ASIC2: variants seen among roughly 807,000 people sequenced by gnomAD.
ASIC2 encodes the protein acid sensing ion channel subunit 2.
A neutral mutation model predicts 57.3 loss-of-function variants in ASIC2; 25 were observed. The ratio of observed to expected loss-of-function variants is 0.44; its 90% confidence interval spans 0.32 to 0.61. The LOEUF (loss-of-function observed/expected upper bound fraction) is 0.61, where lower values mean the gene tolerates loss of function less well. ASIC2 is among the 20% of genes least tolerant of loss of function. ASIC2 has a pLI of 0.06. For missense variants in ASIC2, 641 were observed against 738.1 expected, an observed-to-expected ratio of 0.87 and a Z score of 1.52; for synonymous variants, 319 against 307.5, an observed-to-expected ratio of 1.04 and a Z score of -0.39.
chr17:33,236,548 C>T (rs2142114285), intron 1 of ASIC2, among the ~76,000 whole-genome samples: 1 of 151,776 alleles, frequency 6.6e-6, no homozygotes. Flanking sequence ...GCTATGTTGC[C>T]CAGGTTGATC....
chr17:33,487,033 G>A (rs951902345), intron 1 of ASIC2, among the ~76,000 whole-genome samples: 3 of 152,124 alleles, frequency 2.0e-5, no homozygotes, highest in Non-Finnish European at 4.4e-5. Flanking sequence ...TAGTAGAAGA[G>A]GTTCTTGTTT....
chr17:33,653,118 G>A (rs895367221), intron 1 of ASIC2, among the ~76,000 whole-genome samples: 3 of 152,168 alleles, frequency 2.0e-5, no homozygotes, highest in African/African-American at 7.2e-5. Flanking sequence ...GGCTTTACAC[G>A]CTAAGCTTTA....
intron 1 of ASIC2, among the ~76,000 whole-genome samples, chr17:33,708,789 C>A (rs1398579149): frequency 2.0e-5 from 3 of 152,134 alleles, no homozygotes; most frequent in African/African-American, 7.2e-5. Flanking sequence ...CATAGAGACT[C>A]CTCTCCTCCT....
At chr17:33,319,787 G>A (rs1906797611) in intron 1 of ASIC2, among the ~76,000 whole-genome samples, 2 of 152,100 alleles carry the variant, frequency 1.3e-5, no homozygotes, top group African/African-American at 4.8e-5. Context: ...ACCCTCCTCG[G>A]CCTCCCAAAG....
chr17:33,414,387 T>C (rs1910767311), intron 1 of ASIC2, among the ~76,000 whole-genome samples: 1 of 152,026 alleles, frequency 6.6e-6, no homozygotes, highest in South Asian at 2.1e-4. Flanking sequence ...GTTGGCAGGT[T>C]GGTAATGCCC....
intron 1 of ASIC2, among the ~76,000 whole-genome samples, chr17:33,162,624 G>C (rs761717918): frequency 5.3e-5 from 8 of 152,192 alleles, no homozygotes; most frequent in Admixed American, 1.3e-4. Flanking sequence ...CTTCTCCTCA[G>C]GGCCAGCTCA....
rs150068347 is a variant in ASIC2 at position 33,860,683 on chromosome 17, G to T, written c.555+295295C>A. ...TTCCAGGACTTCTCACTATGCCTAG[G>T]TTTTTATTTAGTTTTGTTTCCATAG... On this transcript the variant is annotated intron_variant, in intron 1 of 9. Coordinates refer to the ASIC2 transcript ENST00000359872. Among the ~76,000 whole-genome samples, 329 of 152,256 alleles carry T rather than the reference G, an allele frequency of 2.2e-3. 2 individuals are homozygous for T. The highest frequency in any genetic ancestry group is 7.6e-3 in the African/African-American group (317 of 41,544).
At chr17:34,040,774 CTAT>C (rs1908101134) in intron 1 of ASIC2, among the ~76,000 whole-genome samples, 1 of 152,230 alleles carries the variant, frequency 6.6e-6, no homozygotes, top group Non-Finnish European at 1.5e-5. Flanking sequence ...TAGCCAGTTC[CTAT>C]TATTACTGAA....
chr17:33,037,980 C>T (rs550474666), intron 3 of ASIC2, among the ~76,000 whole-genome samples: 12 of 152,184 alleles, frequency 7.9e-5, no homozygotes, highest in Non-Finnish European at 1.6e-4. Context: ...CTTCCATGAT[C>T]TCTTAAGCCT....
chr17:33,458,019 G>C (rs116139338), intron 1 of ASIC2, among the ~76,000 whole-genome samples: 2,763 of 152,086 alleles, frequency 0.018, 60 homozygotes, highest in African/African-American at 0.063. Context: ...TGCTGTGGGG[G>C]AAGGGGATTC....
chr17:33,936,468 C>T (rs1187729985), intron 1 of ASIC2: 1 of 152,230 alleles, frequency 6.6e-6, no homozygotes, highest in African/African-American at 2.4e-5. Flanking sequence ...CTGAGGTCGG[C>T]ACTGGAAGAG....
chr17:33,706,247 G>A (rs1401336595), intron 1 of ASIC2, among the ~76,000 whole-genome samples: 2 of 149,938 alleles, frequency 1.3e-5, no homozygotes, highest in Non-Finnish European at 3.0e-5. Context: ...TTTTGAGACA[G>A]GATCTGGCTC....
chr17:34,149,100 C>CTT (rs1175156864), intron 1 of ASIC2, among the ~76,000 whole-genome samples: 1 of 142,282 alleles, frequency 7.0e-6, no homozygotes, highest in Non-Finnish European at 1.5e-5. Context: ...TTTCTTTTTT[C>CTT]TTTTTTTTCT....
chr17:33,945,267 A>G (rs1321571533), intron 1 of ASIC2, among the ~76,000 whole-genome samples: 1 of 151,948 alleles, frequency 6.6e-6, no homozygotes, highest in African/African-American at 2.4e-5. Flanking sequence ...CATGGGTAAC[A>G]CATTCACAAC....
At chr17:33,773,382 G>A (rs1053911253) in intron 1 of ASIC2, among the ~76,000 whole-genome samples, 3 of 152,166 alleles carry the variant, frequency 2.0e-5, no homozygotes, top group African/African-American at 4.8e-5. Context: ...CAGGGAGACT[G>A]CTGCTCAACT....
chr17:33,422,903 G>A (rs1206670662), intron 1 of ASIC2, among the ~76,000 whole-genome samples: 1 of 152,148 alleles, frequency 6.6e-6, no homozygotes, highest in African/African-American at 2.4e-5. Context: ...GAGACTAAAG[G>A]CAGGAAGGTG....
intron 1 of ASIC2, among the ~76,000 whole-genome samples, chr17:33,579,610 G>T (rs1333159515): frequency 2.0e-5 from 3 of 151,782 alleles, no homozygotes; most frequent in Non-Finnish European, 4.4e-5. Flanking sequence ...TCGGGAGTTT[G>T]TTCCTTCAGG....
rs568035517 is a variant in ASIC2 at position 33,878,811 on chromosome 17, T to G, written c.555+277167A>C. 2.0e-3 allele frequency among the ~76,000 whole-genome samples: 307 copies of G among 152,228 alleles called. 5 individuals are homozygous for G. The highest frequency in any genetic ancestry group is 7.1e-3 in the African/African-American group (295 of 41,532). On this transcript the variant is annotated intron_variant, in intron 1 of 9. Transcript: ENST00000359872. ...ACTCCAAGACACATAATTGTCAGAT[T>G]CACCAAAGTTGAAATGAAGGAAAAA...
chr17:33,278,638 A>AG (rs1278542703), intron 1 of ASIC2, among the ~76,000 whole-genome samples: 9 of 152,152 alleles, frequency 5.9e-5, no homozygotes, highest in South Asian at 4.2e-4. Context: ...GAGCTCTGTG[A>AG]GGGGAGGGTC....
Sources: allele counts gnomAD v4.1 joint callset (sites outside exome capture counted in the v4.1 genomes callset), GRCh38; gene constraint gnomAD v4.1.1; transcripts MANE v1.5; gene names NCBI Gene and HGNC (gene_info 2026-07-23, HGNC 2026-07-21).